SGCD: variants seen among roughly 807,000 people sequenced by gnomAD.
SGCD encodes delta-sarcoglycan.
A neutral mutation model predicts 36.6 loss-of-function variants in SGCD; 18 were observed. The ratio of observed to expected loss-of-function variants is 0.49; its 90% CI spans 0.34 to 0.73. SGCD has a LOEUF of 0.73. Ranked by LOEUF, SGCD falls within the 30% of genes least tolerant of loss-of-function variation. SGCD has a pLI of 0.01. For missense variants in SGCD, 387 were observed against 346.7 expected (o/e 1.12, Z -0.92); for synonymous variants, 133 against 130.6 (o/e 1.02, Z -0.12).
intron 1 of SGCD, among the ~76,000 whole-genome samples, chr5:155,870,984 A>T (rs1214830187): frequency 1.3e-5 from 2 of 152,196 alleles, no homozygotes; most frequent in East Asian, 3.9e-4. Context: ...AAAGTACATA[A>T]ATATTCTTAG....
At chr5:156,747,228 G>A (rs1756977645) in intron 7 of SGCD, among the ~76,000 whole-genome samples, 1 of 152,126 alleles carries the variant, frequency 6.6e-6, no homozygotes, top group South Asian at 2.1e-4. Context: ...ATGTAAAACT[G>A]CAAAACTATC....
intron 1 of SGCD, among the ~76,000 whole-genome samples, chr5:155,940,563 C>T (rs1187947452): frequency 6.6e-6 from 1 of 152,060 alleles, no homozygotes; most frequent in Non-Finnish European, 1.5e-5. Context: ...AAAACATTAA[C>T]GGCTGGGCTT....
intron 1 of SGCD, among the ~76,000 whole-genome samples, chr5:155,883,063 C>T (rs1403765656): frequency 6.6e-6 from 1 of 152,150 alleles, no homozygotes; most frequent in African/African-American, 2.4e-5. Flanking sequence ...CCCCTTAAAC[C>T]TCATGAACCA....
chr5:156,441,583 A>G (rs1217503656), intron 3 of SGCD, among the ~76,000 whole-genome samples: 3 of 152,158 alleles, frequency 2.0e-5, no homozygotes, highest in Non-Finnish European at 4.4e-5. Flanking sequence ...TTTCTTCTCT[A>G]TTAGTGTGAC....
intron 7 of SGCD, among the ~76,000 whole-genome samples, chr5:156,693,596 TA>T (rs1198368666): frequency 6.6e-6 from 1 of 152,188 alleles, no homozygotes; most frequent in Non-Finnish European, 1.5e-5. Context: ...GGGACATCAA[TA>T]CATCTGTTCA....
chr5:155,984,767 C>T (rs1000123981), intron 1 of SGCD, among the ~76,000 whole-genome samples: 1 of 152,164 alleles, frequency 6.6e-6, no homozygotes, highest in East Asian at 1.9e-4. Flanking sequence ...TATGGAAACA[C>T]CCCTCCACCA....
chr5:155,971,371 C>T (rs575626324), intron 1 of SGCD, among the ~76,000 whole-genome samples: 6 of 152,162 alleles, frequency 3.9e-5, no homozygotes, highest in South Asian at 2.1e-4. Context: ...CCAGAGGAGG[C>T]GACTAATGTT....
intron 3 of SGCD, among the ~76,000 whole-genome samples, chr5:156,166,494 G>C (rs1393306029): frequency 6.6e-6 from 1 of 152,104 alleles, no homozygotes; most frequent in Non-Finnish European, 1.5e-5. Context: ...TTTTGTTTTT[G>C]TATTTTTGGT....
At chr5:155,756,868 G>A in the SGCD span, among the ~76,000 whole-genome samples, 2 of 152,204 alleles carry the variant, frequency 1.3e-5, no homozygotes, top group African/African-American at 4.8e-5. Flanking sequence ...TATGGGTGAT[G>A]TCAACTACAG....
intron 1 of SGCD, among the ~76,000 whole-genome samples, chr5:156,060,276 T>C (rs1760170523): frequency 6.8e-6 from 1 of 146,090 alleles, no homozygotes; most frequent in African/African-American, 2.5e-5. Flanking sequence ...CGCTAAGAAG[T>C]GTGGCTTTGA....
At chr5:156,338,403 A>G (rs1768471937) in intron 2 of SGCD, among the ~76,000 whole-genome samples, 2 of 152,210 alleles carry the variant, frequency 1.3e-5, no homozygotes, top group South Asian at 2.1e-4. Context: ...CTCCTGACCC[A>G]TGACCCTTTT....
chr5:156,748,088 C>A (rs1581524367), intron 7 of SGCD, among the ~76,000 whole-genome samples: 1 of 152,170 alleles, frequency 6.6e-6, no homozygotes, highest in African/African-American at 2.4e-5. Flanking sequence ...AACAGAGCCA[C>A]ACGGAAGAAT....
chr5:156,447,576 T>A (rs1269008215), intron 3 of SGCD, among the ~76,000 whole-genome samples: 1 of 152,114 alleles, frequency 6.6e-6, no homozygotes, highest in East Asian at 1.9e-4. Context: ...AAAGTCACAG[T>A]GTTCTCACAA....
Position 156,524,079 on chromosome 5 carries a change from A to G in SGCD, c.294+15377A>G, listed in dbSNP as rs1345281758. 5.8e-5 allele frequency among the ~76,000 whole-genome samples: 7 copies of G among 120,992 alleles called. No individual in the cohort carries two copies. The East Asian group carries it at 1.8e-3, about 32-fold the overall frequency. 79.4% of individuals were successfully genotyped at this position (120,992 alleles called of 152,430 possible). A position where few individuals can be genotyped will look rare whatever the true frequency, so the allele number is the denominator to read the frequency against. On this transcript the variant is annotated intron_variant, in intron 4 of 8. Transcript: ENST00000337851. ...AGTTTCCAAGAACCTATGGATGATG[A>G]TAAGTGAGGTCTTACTATATATATA... is the stretch of plus-strand genomic sequence containing the variant.
At chr5:155,748,207 A>C in the SGCD span, among the ~76,000 whole-genome samples, 1 of 151,786 alleles carries the variant, frequency 6.6e-6, no homozygotes, top group African/African-American at 2.4e-5. Context: ...TGTGTTACCA[A>C]CTACCCTTTC....
chr5:155,986,911 A>T (rs932777048), intron 1 of SGCD, among the ~76,000 whole-genome samples: 3 of 152,166 alleles, frequency 2.0e-5, no homozygotes, highest in African/African-American at 7.2e-5. Flanking sequence ...ACTGGGGTGG[A>T]TCTTAGTATG....
chr5:155,968,838 C>T (rs911648264), intron 1 of SGCD, among the ~76,000 whole-genome samples: 1 of 152,044 alleles, frequency 6.6e-6, no homozygotes, highest in African/African-American at 2.4e-5. Context: ...GTGTGTCTTC[C>T]AGATATTTTT....
intron 1 of SGCD, among the ~76,000 whole-genome samples, chr5:155,971,473 A>G (rs1348920624): frequency 2.6e-5 from 4 of 152,114 alleles, no homozygotes; most frequent in Admixed American, 2.0e-4. Context: ...TGACAATGTC[A>G]TTCCCTATTC....
At chr5:156,569,436 A>G (rs956542680) in intron 4 of SGCD, among the ~76,000 whole-genome samples, 1 of 152,066 alleles carries the variant, frequency 6.6e-6, no homozygotes, top group African/African-American at 2.4e-5. Context: ...TACTAAAAAT[A>G]CAAAAATTAG....
Sources: allele counts gnomAD v4.1 joint callset (sites outside exome capture counted in the v4.1 genomes callset), GRCh38; gene constraint gnomAD v4.1.1; transcripts MANE v1.5; gene names NCBI Gene and HGNC (gene_info 2026-07-23, HGNC 2026-07-21).